DHX57: variants seen among roughly 807,000 people sequenced by gnomAD.
DHX57 encodes the protein putative ATP-dependent RNA helicase DHX57.
A neutral mutation model predicts 156.2 loss-of-function variants in DHX57; 105 were observed. The ratio of observed to expected loss-of-function variants is 0.67; its 90% CI spans 0.57 to 0.79. DHX57 has a LOEUF of 0.79. Ranked by LOEUF, DHX57 falls within the 30% of genes least tolerant of loss-of-function variation. The pLI, the probability that DHX57 is intolerant of heterozygous loss-of-function variation, is 0.00. For synonymous variants in DHX57, 704 were observed against 595.6 expected (o/e 1.18, Z -2.65); for missense variants, 1,847 against 1,661.9 (o/e 1.11, Z -1.94).
intron 16 of DHX57, among the ~76,000 whole-genome samples, chr2:38,823,564 G>A (rs182434587): frequency 1.3e-5 from 2 of 152,266 alleles, no homozygotes; most frequent in East Asian, 3.9e-4. Context: ...AGGATGTGGA[G>A]AACTTGGAAC....
At position 38,862,338 on chromosome 2, in the gene DHX57, C is replaced by G; in HGVS notation, c.384-5G>C. The G allele has an allele frequency of 1.3e-6, 2 of 1,556,934 alleles. No individual in the cohort carries two copies. Among genetic ancestry groups the G allele is most frequent in the South Asian group, 2.4e-5 (2 of 82,884 alleles). ...TCCTCCCCAGAAAGGCCTCTTCTAGCAAAGGCAACATTTTCATATATTAGA... is the reference window on the plus strand; with the variant it reads ...TCCTCCCCAGAAAGGCCTCTTCTAGGAAAGGCAACATTTTCATATATTAGA... On this transcript the variant is annotated splice_region_variant and splice_polypyrimidine_tract_variant and intron_variant, in intron 3 of 23. Transcript: ENST00000457308.
chr2:38,829,430 C>T (rs917862017), intron 13 of DHX57, among the ~76,000 whole-genome samples: 16 of 151,784 alleles, frequency 1.1e-4, no homozygotes, highest in African/African-American at 3.1e-4. Flanking sequence ...TACAGGCACA[C>T]GCCAGCTAAT....
Position 38,797,901 on chromosome 2 carries a change from GAAA to G in DHX57, c.*395_*397del. On this transcript the variant is annotated 3_prime_UTR_variant, in exon 24 of 24. Transcript: ENST00000457308. ...CAGTCGAGCCTTGGCGACAGGAAAAGAAAAAAAAAAAAGGCGTATTTCTCTTCA... is the reference window on the plus strand; with the variant it reads ...CAGTCGAGCCTTGGCGACAGGAAAAGAAAAAAAAAGGCGTATTTCTCTTCA... 1.9e-5 allele frequency: 3 copies of G among 159,524 alleles called. No individual in the cohort carries two copies. The highest frequency in any genetic ancestry group is 2.5e-5 in the African/African-American group (1 of 39,296). The allele number at this position is 159,524 out of a possible 1,614,324, so 9.9% of individuals were successfully genotyped here. A position where few individuals can be genotyped will look rare whatever the true frequency, so the allele number is the denominator to read the frequency against.
intron 21 of DHX57, among the ~76,000 whole-genome samples, 197 bp downstream of exon 21, chr2:38,813,624 G>A (rs924974367): frequency 5.9e-5 from 9 of 152,104 alleles, no homozygotes; most frequent in Non-Finnish European, 1.2e-4. Context: ...CGCCCGCCTC[G>A]GCCTCCCAAA....
rs1297057365 is a variant in DHX57, at chr2:38,815,586, TGA to T, written c.3539_3540del (p.Leu1180GlnfsTer6). Reference protein sequence around the residue: ...LSDIGFAREGLRAREIEKRAQ... With the variant: ...LSDIGFAREGXRAREIEKRAQ... Reference sequence around the variant, plus strand: ...GCCCTTTTCTCAATTTCCCTTGCTCTGAGCCCTTCCCTTGCAAACCCTATATC... The same window carrying T: ...GCCCTTTTCTCAATTTCCCTTGCTCTGCCCTTCCCTTGCAAACCCTATATC... On this transcript the variant is annotated frameshift_variant, in exon 20 of 24. Transcript: ENST00000457308. LOFTEE classifies it high-confidence loss of function. 2 of 1,614,178 alleles carry T rather than the reference TGA, an allele frequency of 1.2e-6. No homozygotes were observed. Among genetic ancestry groups the T allele is most frequent in the Non-Finnish European group, 1.7e-6 (2 of 1,180,034 alleles).
At chr2:38,852,800 C>T (rs2124907551) in intron 9 of DHX57, among the ~76,000 whole-genome samples, 1 of 151,862 alleles carries the variant, frequency 6.6e-6, no homozygotes, top group African/African-American at 2.4e-5. Context: ...TTTTATGCCT[C>T]ACCCTTTAAT....
chr2:38,856,620 C>CAAATAACTCACTA, intron 6 of DHX57, 159 bp from the exon 7 acceptor site: 1 of 882,000 alleles, frequency 1.1e-6, no homozygotes, highest in Non-Finnish European at 1.6e-6. Context: ...CCTCCCGCCT[C>CAAATAACTCACTA]AAGCTCCCAA....
chr2:38,801,921 C>G (rs1487726468), intron 23 of DHX57, among the ~76,000 whole-genome samples: 9 of 152,090 alleles, frequency 5.9e-5, no homozygotes, highest in African/African-American at 2.2e-4. Flanking sequence ...TAAATATGTA[C>G]TCTCCATGAT....
At chr2:38,860,167 A>G (rs1261452554) in intron 5 of DHX57, among the ~76,000 whole-genome samples, 1 of 152,034 alleles carries the variant, frequency 6.6e-6, no homozygotes, top group Admixed American at 6.5e-5. Context: ...TCTGCATAGC[A>G]GCCCATGTGC....
chr2:38,808,943 AGGG>A (rs1267727665), intron 21 of DHX57, among the ~76,000 whole-genome samples: 1 of 151,718 alleles, frequency 6.6e-6, no homozygotes, highest in East Asian at 1.9e-4. Flanking sequence ...TTTCAGGGAT[AGGG>A]TCTCTCTGTG....
chr2:38,830,471 T>C (rs937872823), intron 13 of DHX57, among the ~76,000 whole-genome samples: 13 of 151,646 alleles, frequency 8.6e-5, no homozygotes, highest in Admixed American at 8.5e-4. Context: ...CTACTAAAAA[T>C]ACAAAAATTA....
At chr2:38,817,971 A>G (rs1021301788) in intron 19 of DHX57, among the ~76,000 whole-genome samples, 2 of 152,204 alleles carry the variant, frequency 1.3e-5, no homozygotes, top group African/African-American at 4.8e-5. Flanking sequence ...GATTACAGGT[A>G]TGAGCCACCA....
chr2:38,801,987 G>A (rs964423877), intron 23 of DHX57, among the ~76,000 whole-genome samples: 8 of 152,156 alleles, frequency 5.3e-5, no homozygotes, highest in Admixed American at 2.6e-4. Flanking sequence ...AATAAATGAA[G>A]AATTCAGACC....
intron 21 of DHX57, chr2:38,811,088 T>A: frequency 1.7e-6 from 1 of 572,956 alleles, no homozygotes; most frequent in South Asian, 1.6e-5. Flanking sequence ...CTTGGGGTTC[T>A]CCAAGATTCC....
Position 38,848,376 on chromosome 2 carries a change from T to A in DHX57, c.2057A>T (p.Asp686Val). 8 of 1,606,044 alleles carry A rather than the reference T, an allele frequency of 5.0e-6. No individual in the cohort carries two copies. Among genetic ancestry groups the A allele is most frequent in the Non-Finnish European group, 6.8e-6 (8 of 1,177,054 alleles). Residue 686 changes from aspartate (D) to valine (V), a missense_variant, in exon 10 of 24, where the codon GAC (aspartate) becomes GTC (valine). Physicochemically the swap from Asp to Val is radical, Grantham distance 152 (BLOSUM62 -3). Coordinates refer to ENST00000457308, the MANE Select transcript of DHX57 (RefSeq NM_198963.3). Reference protein sequence around the residue: ...ESDFLLLVLKDIVSQRPGLQV... With the variant: ...ESDFLLLVLKVIVSQRPGLQV... ...AAGACCTGGCCTCTGCGATACAATG[T>A]CCTTCAAAACTAGCAGCAAGAAGTC...
In DHX57 at chr2:38,850,305, C is replaced by G. The variant is rs573889117; in HGVS notation, c.2031-1903G>C. On this transcript the variant is annotated intron_variant, in intron 9 of 23. Transcript: ENST00000457308. ...GTTTTTCTTACCTTTTTTTTTGAGACAAGGTTTCGCTCTGTCACCCAGGCT... is the reference window on the plus strand; with the variant it reads ...GTTTTTCTTACCTTTTTTTTTGAGAGAAGGTTTCGCTCTGTCACCCAGGCT... Among the ~76,000 whole-genome samples, 23 of 151,790 alleles carry G rather than the reference C, an allele frequency of 1.5e-4. 1 individual carries two copies. In the South Asian group the frequency reaches 2.5e-3, roughly 16 times the overall value.
At chr2:38,872,271 AC>A (rs1466766675) in intron 1 of DHX57, among the ~76,000 whole-genome samples, 1 of 152,260 alleles carries the variant, frequency 6.6e-6, no homozygotes, top group African/African-American at 2.4e-5. Flanking sequence ...GAAAATATTC[AC>A]TTAATGACTA....
intron 11 of DHX57, 119 bp downstream of exon 11, chr2:38,846,900 G>T: frequency 1.6e-6 from 1 of 638,582 alleles, no homozygotes; most frequent in Non-Finnish European, 2.6e-6. Context: ...TGTTGCCCAA[G>T]CTGGTCTTGA....
intron 17 of DHX57, among the ~76,000 whole-genome samples, chr2:38,822,445 G>T (rs951231764): frequency 6.6e-6 from 1 of 151,704 alleles, no homozygotes; most frequent in African/African-American, 2.4e-5. Flanking sequence ...CGCCAGGCTG[G>T]AATGTGGTGG....
Sources: allele counts gnomAD v4.1 joint callset (sites outside exome capture counted in the v4.1 genomes callset), GRCh38; gene constraint gnomAD v4.1.1; transcripts MANE v1.5; gene names NCBI Gene and HGNC (gene_info 2026-07-23, HGNC 2026-07-21).